Variants in MARCHF1 observed in about 807,000 individuals in gnomAD.
MARCHF1 encodes E3 ubiquitin-protein ligase MARCHF1.
A neutral mutation model predicts 54.2 loss-of-function variants in MARCHF1; 40 were observed. The ratio of observed to expected loss-of-function variants is 0.74; its 90% confidence interval spans 0.57 to 0.96. The LOEUF (loss-of-function observed/expected upper bound fraction) is 0.96. MARCHF1 is among the 40% of genes least tolerant of loss of function. MARCHF1 has a pLI of 0.00. For missense variants in MARCHF1, 586 were observed against 656.5 expected (o/e 0.89, Z 1.17); for synonymous variants, 236 against 236.3 (o/e 1.00, Z 0.01).
intron 2 of MARCHF1, among the ~76,000 whole-genome samples, chr4:164,056,152 G>A (rs1276199542): frequency 2.0e-5 from 3 of 152,078 alleles, no homozygotes; most frequent in South Asian, 4.1e-4. Flanking sequence ...GCAATGATGC[G>A]CTGGCTCTGT....
intron 1 of MARCHF1, among the ~76,000 whole-genome samples, chr4:164,267,110 T>C (rs1040140971): frequency 3.9e-5 from 6 of 152,020 alleles, no homozygotes; most frequent in Non-Finnish European, 7.4e-5. Context: ...CAGAGTACAA[T>C]TTAGGAGAAG....
intron 2 of MARCHF1, among the ~76,000 whole-genome samples, chr4:164,099,183 G>A (rs1215222392): frequency 6.6e-6 from 1 of 152,144 alleles, no homozygotes; most frequent in Non-Finnish European, 1.5e-5. Context: ...ATCCACAGGA[G>A]ACCCAGAGAA....
intron 4 of MARCHF1, among the ~76,000 whole-genome samples, chr4:163,751,068 G>A (rs1212410545): frequency 6.6e-6 from 1 of 151,964 alleles, no homozygotes; most frequent in African/African-American, 2.4e-5. Flanking sequence ...CATACTTAAT[G>A]GTGTAATACT....
chr4:163,606,145 G>A lies in MARCHF1; in HGVS notation c.1010+6126C>T, dbSNP rs112764137. Among the ~76,000 whole-genome samples the A allele has an allele frequency of 4.8e-4, 73 of 152,202 alleles. 1 individual carries two copies. The highest frequency in any genetic ancestry group is 1.7e-3 in the African/African-American group (69 of 41,544). On this transcript the variant is annotated intron_variant, in intron 7 of 9. Transcript: ENST00000514618. The stretch of plus-strand genomic sequence containing the variant: ...TCAAACTCACCATCCAACCTAAGCT[G>A]GAGCTAGAGCATTACCAGGAGTTAT...
Position 163,613,332 on chromosome 4 carries a change from G to C in MARCHF1, c.224C>G (p.Ser75Cys). 1 of 1,612,502 alleles carries C rather than the reference G, an allele frequency of 6.2e-7. No individual in the cohort carries two copies. The highest frequency in any genetic ancestry group is 8.5e-7 in the Non-Finnish European group (1 of 1,179,252). ...CACTTACCTGCAGATGTCCTGAGTG[G>C]ATGGACAGACAGACAACCTTGACTG... The part of the protein sequence containing the change: ...RSQSRLSVCP[S>C]TQDICRSAIL... The change falls in exon 6 of 10, where the codon TCC becomes TGC. Residue 75 changes from serine to cysteine, a missense_variant. Ser to Cys is a moderately radical substitution (Grantham distance 112). Coordinates refer to ENST00000514618, the MANE Select transcript of MARCHF1 (RefSeq NM_001394959.1).
intron 1 of MARCHF1, among the ~76,000 whole-genome samples, chr4:164,198,711 G>A (rs1731354914): frequency 6.6e-6 from 1 of 152,204 alleles, no homozygotes; most frequent in African/African-American, 2.4e-5. Flanking sequence ...AAACATGGCA[G>A]AAGCCTTGAG....
Position 163,589,764 on chromosome 4 carries a change from G to A in MARCHF1, c.1011-3835C>T, listed in dbSNP as rs371634071. On this transcript the variant is annotated intron_variant, in intron 7 of 9. Transcript: ENST00000514618. ...AATAAAATTGCATGGCAAAATATTC[G>A]TAATTTTGGTACATTTTTACCTGAT... 1.6e-4 allele frequency among the ~76,000 whole-genome samples: 25 copies of A among 152,084 alleles called. No individual in the cohort carries two copies. In the East Asian group the frequency reaches 1.7e-3, roughly 11 times the overall value.
intron 1 of MARCHF1, among the ~76,000 whole-genome samples, chr4:164,208,679 G>T (rs1731678705): frequency 6.6e-6 from 1 of 152,198 alleles, no homozygotes; most frequent in Non-Finnish European, 1.5e-5. Context: ...ATGAGTGAGA[G>T]TTCTGGGTAT....
At chr4:164,158,132 TA>T (rs995586052) in intron 1 of MARCHF1, among the ~76,000 whole-genome samples, 4 of 152,276 alleles carry the variant, frequency 2.6e-5, no homozygotes, top group South Asian at 4.1e-4. Context: ...TATATTTTTT[TA>T]AAAAAACTTC....
intron 8 of MARCHF1, among the ~76,000 whole-genome samples, chr4:163,572,095 T>G (rs915740117): frequency 5.9e-5 from 9 of 152,034 alleles, no homozygotes; most frequent in Admixed American, 3.9e-4. Flanking sequence ...AAAAAATATA[T>G]AGAGAGTCCT....
At chr4:164,190,196 C>T in intron 1 of MARCHF1, 1 of 1,561,764 alleles carries the variant, frequency 6.4e-7, no homozygotes, top group Non-Finnish European at 8.7e-7. Context: ...TGGAAAGCCA[C>T]CAAGCTGCTG....
intron 8 of MARCHF1, chr4:163,583,793 GTT>G (rs1288430556): frequency 6.7e-6 from 1 of 148,976 alleles, no homozygotes; most frequent in Non-Finnish European, 1.5e-5. Context: ...GGAACTACAG[GTT>G]TGTGCTACCA....
chr4:164,208,392 A>C (rs1427988626), intron 1 of MARCHF1, among the ~76,000 whole-genome samples: 1 of 152,190 alleles, frequency 6.6e-6, no homozygotes, highest in South Asian at 2.1e-4. Flanking sequence ...TATGAGCTTT[A>C]TTTAATGCAC....
intron 1 of MARCHF1, among the ~76,000 whole-genome samples, chr4:164,144,522 C>T (rs1440285158): frequency 6.6e-6 from 1 of 152,002 alleles, no homozygotes; most frequent in African/African-American, 2.4e-5. Flanking sequence ...GAATCTCACT[C>T]AAAACTGCGC....
intron 7 of MARCHF1, among the ~76,000 whole-genome samples, chr4:163,591,040 AATT>A (rs1324160387): frequency 2.6e-5 from 4 of 151,558 alleles, no homozygotes; most frequent in Non-Finnish European, 4.4e-5. Context: ...AAGTGACAAT[AATT>A]ATTAATAATC....
chr4:164,085,145 G>T (rs1381092451), intron 2 of MARCHF1, among the ~76,000 whole-genome samples: 2 of 151,660 alleles, frequency 1.3e-5, no homozygotes, highest in Non-Finnish European at 3.0e-5. Context: ...CAAAGTACAG[G>T]ATTGGTTTTC....
chr4:163,724,843 T>A (rs898526240), intron 4 of MARCHF1, among the ~76,000 whole-genome samples: 1 of 151,938 alleles, frequency 6.6e-6, no homozygotes, highest in Non-Finnish European at 1.5e-5. Flanking sequence ...TGCCGTTTGC[T>A]AAGACCATTG....
At chr4:164,061,343 G>C (rs1039124261) in intron 2 of MARCHF1, among the ~76,000 whole-genome samples, 4 of 151,668 alleles carry the variant, frequency 2.6e-5, no homozygotes, top group African/African-American at 9.7e-5. Flanking sequence ...TCAATTCTTT[G>C]ATTCATAATT....
At chr4:164,050,231 C>T (rs147645793) in intron 2 of MARCHF1, among the ~76,000 whole-genome samples, 16 of 124,620 alleles carry the variant, frequency 1.3e-4, no homozygotes, top group East Asian at 5.2e-4. Context: ...GCCAAGATCA[C>T]GACACTGCAT....
Sources: gnomAD v4.1 joint callset for allele counts (sites outside exome capture counted in the v4.1 genomes callset) on GRCh38, gnomAD v4.1.1 for gene constraint, MANE v1.5 for transcripts, NCBI Gene and HGNC (gene_info 2026-07-23, HGNC 2026-07-21) for gene names.